Variants in MYT1L observed in about 807,000 individuals in gnomAD.
The protein encoded by MYT1L is myelin transcription factor 1-like protein.
In MYT1L, 12 loss-of-function variants were observed where a neutral mutation model predicts 126.7. That is an observed-to-expected ratio of 0.09 (90% CI 0.06 to 0.15). The LOEUF (loss-of-function observed/expected upper bound fraction) is 0.15, where lower values mean the gene tolerates loss of function less well. Ranked by LOEUF, MYT1L falls within the 10% of genes least tolerant of loss-of-function variation. The pLI, the probability that MYT1L is intolerant of heterozygous loss-of-function variation, is 1.00. For synonymous variants in MYT1L, 541 were observed against 604.2 expected (o/e 0.90, Z 1.53); for missense variants, 979 against 1,585.2 (o/e 0.62, Z 6.49).
At chr2:1,868,151 T>C (rs11127308) in intron 18 of MYT1L, among the ~76,000 whole-genome samples, 69,222 of 151,882 alleles carry the variant, frequency 0.46, 17,928 homozygotes, top group African/African-American at 0.7. Flanking sequence ...TTAGTAAAGA[T>C]GGGGTTTCAC....
chr2:1,869,232 T>C lies in MYT1L; in HGVS notation c.2711+17307A>G, dbSNP rs190787076. ...ACTTATCCTCTTTTCCACGTGCCACTGTACCTCCACCAGAGACAAAGCACA... is the reference window on the plus strand; with the variant it reads ...ACTTATCCTCTTTTCCACGTGCCACCGTACCTCCACCAGAGACAAAGCACA... On this transcript the variant is annotated intron_variant, in intron 18 of 24. Transcript: ENST00000647738. Among the ~76,000 whole-genome samples the C allele has an allele frequency of 8.4e-3, 1,252 of 149,740 alleles. 14 individuals are homozygous for C. The highest frequency in any genetic ancestry group is 0.011 in the Non-Finnish European group (748 of 67,514).
chr2:1,936,193 G>C (rs1266039325), intron 9 of MYT1L, among the ~76,000 whole-genome samples: 1 of 152,190 alleles, frequency 6.6e-6, no homozygotes, highest in African/African-American at 2.4e-5. Flanking sequence ...AAAGTGCTGG[G>C]ATTACAGGCG....
intron 2 of MYT1L, among the ~76,000 whole-genome samples, chr2:2,214,560 C>T (rs2093625196): frequency 6.6e-6 from 1 of 152,090 alleles, no homozygotes; most frequent in Non-Finnish European, 1.5e-5. Context: ...AGATAGAACA[C>T]CATCTTTAAA....
At chr2:2,280,610 G>T (rs1248210430) in intron 2 of MYT1L, among the ~76,000 whole-genome samples, 1 of 152,168 alleles carries the variant, frequency 6.6e-6, no homozygotes, top group African/African-American at 2.4e-5. Flanking sequence ...CTTCCCTAGT[G>T]TTATTTTAAG....
At chr2:2,318,930 CAG>C (rs997929349) in intron 1 of MYT1L, among the ~76,000 whole-genome samples, 7 of 152,144 alleles carry the variant, frequency 4.6e-5, no homozygotes, top group African/African-American at 1.7e-4. Context: ...TTGTCTTTTA[CAG>C]GGAGTAATGG....
chr2:2,301,825 TAAAAAAAAAAA>T (rs375520368), intron 1 of MYT1L, among the ~76,000 whole-genome samples: 34 of 96,904 alleles, frequency 3.5e-4, no homozygotes, highest in Non-Finnish European at 6.3e-4. Context: ...CCTGTCTGTC[TAAAAAAAAAAA>T]AAAAAAAAAG....
chr2:1,871,032 C>T (rs1011613297), intron 18 of MYT1L, among the ~76,000 whole-genome samples: 1 of 152,160 alleles, frequency 6.6e-6, no homozygotes, highest in African/African-American at 2.4e-5. Context: ...TCACAAATTC[C>T]CCGCAGAGGG....
intron 3 of MYT1L, among the ~76,000 whole-genome samples, chr2:2,162,899 C>A (rs2088258567): frequency 6.6e-6 from 1 of 152,194 alleles, no homozygotes; most frequent in Non-Finnish European, 1.5e-5. Context: ...CTCGCAGTAA[C>A]TTGACTTGCC....
At chr2:1,847,550 A>G (rs2042668637) in intron 19 of MYT1L, among the ~76,000 whole-genome samples, 1 of 152,152 alleles carries the variant, frequency 6.6e-6, no homozygotes, top group Admixed American at 6.5e-5. Context: ...CAGGTGAAGG[A>G]GAAGGCCTGG....
chr2:2,101,864 A>G (rs2078136565), intron 3 of MYT1L, among the ~76,000 whole-genome samples: 2 of 152,242 alleles, frequency 1.3e-5, no homozygotes, highest in African/African-American at 4.8e-5. Flanking sequence ...TATAAATTGT[A>G]AAATGGCGGC....
At chr2:2,045,990 T>C (rs1383012492) in intron 4 of MYT1L, among the ~76,000 whole-genome samples, 2 of 152,214 alleles carry the variant, frequency 1.3e-5, no homozygotes, top group Admixed American at 1.3e-4. Context: ...TCTGTATCTT[T>C]GGGACCCTTT....
chr2:1,959,669 C>T (rs2058799051), intron 8 of MYT1L, among the ~76,000 whole-genome samples: 1 of 152,180 alleles, frequency 6.6e-6, no homozygotes, highest in African/African-American at 2.4e-5. Context: ...TATGCCCCCG[C>T]TCCATCCCTC....
At chr2:2,152,475 C>T (rs1025116724) in intron 3 of MYT1L, among the ~76,000 whole-genome samples, 2 of 152,194 alleles carry the variant, frequency 1.3e-5, no homozygotes, top group Non-Finnish European at 1.5e-5. Context: ...AGACCAGTTA[C>T]GCTGATCCCC....
chr2:2,323,659 T>C (rs551195221), intron 1 of MYT1L, among the ~76,000 whole-genome samples: 2 of 152,224 alleles, frequency 1.3e-5, no homozygotes, highest in Non-Finnish European at 2.9e-5. Flanking sequence ...TTATTCTTAC[T>C]TCTCAACTCA....
chr2:1,896,321 A>G (rs528149826), intron 14 of MYT1L, among the ~76,000 whole-genome samples: 25 of 152,234 alleles, frequency 1.6e-4, no homozygotes, highest in Non-Finnish European at 3.2e-4. Flanking sequence ...TAGACCCAGC[A>G]GTCCTGTTAC....
In MYT1L at chr2:2,088,941, GCTT is replaced by G. The variant is rs141763181; in HGVS notation, c.-303-34821_-303-34819del. ...ACCAAAAAACATTTTCCTGCTTTTT[GCTT>G]TTTTAAAAAGTAAATTTGTTAAAAG... is the stretch of plus-strand genomic sequence containing the variant. On this transcript the variant is annotated intron_variant, in intron 3 of 24. Transcript: ENST00000647738. Among the ~76,000 whole-genome samples the G allele has an allele frequency of 5.2e-3, 785 of 152,114 alleles. 5 individuals carry two copies. Among genetic ancestry groups the G allele is most frequent in the African/African-American group, 0.018 (757 of 41,508 alleles).
intron 2 of MYT1L, among the ~76,000 whole-genome samples, chr2:2,219,372 T>C (rs977093953): frequency 1.3e-5 from 2 of 152,206 alleles, no homozygotes; most frequent in Non-Finnish European, 2.9e-5. Context: ...CTGTAAAAAG[T>C]AGAGGTTCTT....
intron 3 of MYT1L, among the ~76,000 whole-genome samples, chr2:2,124,840 G>C (rs1160315397): frequency 6.6e-6 from 1 of 152,178 alleles, no homozygotes; most frequent in Non-Finnish European, 1.5e-5. Flanking sequence ...GTCCACCTGT[G>C]GCACAGGTGG....
intron 3 of MYT1L, among the ~76,000 whole-genome samples, chr2:2,111,359 C>A (rs1019164111): frequency 2.0e-5 from 3 of 152,148 alleles, no homozygotes; most frequent in Non-Finnish European, 4.4e-5. Context: ...CTCCCCCCGA[C>A]GGCACTCACA....
Sources: gnomAD v4.1 joint callset for allele counts (sites outside exome capture counted in the v4.1 genomes callset) on GRCh38, gnomAD v4.1.1 for gene constraint, MANE v1.5 for transcripts, NCBI Gene and HGNC (gene_info 2026-07-23, HGNC 2026-07-21) for gene names.